The following HIBCH variants were observed in gnomAD, a reference collection of about 807,000 sequenced individuals.
HIBCH encodes 3-hydroxyisobutyryl-CoA hydrolase, also known as 3-hydroxyisobutyryl-CoA hydrolase, mitochondrial.
HIBCH carries 50 observed loss-of-function variants against 58.2 expected under a neutral mutation model. The ratio of observed to expected loss-of-function variants is 0.86; its 90% confidence interval spans 0.68 to 1.09. The LOEUF (loss-of-function observed/expected upper bound fraction) is 1.09. HIBCH is among the 50% of genes least tolerant of loss of function. HIBCH has a pLI of 0.00. For missense variants in HIBCH, 450 were observed against 449.7 expected (o/e 1.00, Z -0.01); for synonymous variants, 151 against 146.9 (o/e 1.03, Z -0.20).
chr2:190,221,534 G>C (rs767763020), intron 11 of HIBCH, among the ~76,000 whole-genome samples: 2 of 152,206 alleles, frequency 1.3e-5, no homozygotes, highest in Admixed American at 1.3e-4. Context: ...CTCTGATACT[G>C]ATAGGGACAG....
intron 11 of HIBCH, among the ~76,000 whole-genome samples, chr2:190,223,534 T>G (rs1685793375): frequency 6.6e-6 from 1 of 152,192 alleles, no homozygotes; most frequent in African/African-American, 2.4e-5. Context: ...TGTGATTTGT[T>G]TACAAAAGCT....
downstream of HIBCH, among the ~76,000 whole-genome samples, chr2:190,199,463 T>C (rs1690135873): frequency 6.6e-6 from 1 of 150,742 alleles, no homozygotes; most frequent in South Asian, 2.1e-4. Flanking sequence ...AAAAATTGAA[T>C]TGTTTTCAGT....
chr2:190,280,982 G>A (rs1292234222), intron 6 of HIBCH: 1 of 152,130 alleles, frequency 6.6e-6, no homozygotes, highest in African/African-American at 2.4e-5. Context: ...TTCCTTCAAG[G>A]AGGCAAGAAT....
At chr2:190,257,234 T>C (rs1559037723) in intron 7 of HIBCH, among the ~76,000 whole-genome samples, 1 of 152,142 alleles carries the variant, frequency 6.6e-6, no homozygotes, top group Non-Finnish European at 1.5e-5. Context: ...GAGAAGACTT[T>C]CTGTAGGAAA....
At chr2:190,223,644 G>A (rs1230916530) in intron 11 of HIBCH, among the ~76,000 whole-genome samples, 1 of 152,238 alleles carries the variant, frequency 6.6e-6, no homozygotes, top group African/African-American at 2.4e-5. Context: ...GTTCTTAGAG[G>A]AGGCAGGAAA....
Position 190,254,469 on chromosome 2 carries a change from G to A in HIBCH, c.518-2162C>T, listed in dbSNP as rs1686868458. Among the ~76,000 whole-genome samples, 1 of 152,134 alleles carries A rather than the reference G, an allele frequency of 6.6e-6. No individual in the cohort carries two copies. Among genetic ancestry groups the A allele is most frequent in the African/African-American group, 2.4e-5 (1 of 41,440 alleles). ...TACTGTTTAAGCAACCAAGTTTGTG[G>A]TATTTTGTTATGCAGCCCTAAAAGT... On this transcript the variant is annotated intron_variant, in intron 7 of 13. Transcript: ENST00000359678. The surrounding 1 kb of genome is among the most constrained non-coding windows in gnomAD (Gnocchi z 5.0).
intron 2 of HIBCH, among the ~76,000 whole-genome samples, chr2:190,303,481 A>T (rs1688322747): frequency 6.6e-6 from 1 of 152,168 alleles, no homozygotes; most frequent in Non-Finnish European, 1.5e-5. Context: ...CATATGAAAG[A>T]AATACAAAAG....
intron 10 of HIBCH, among the ~76,000 whole-genome samples, chr2:190,245,754 G>A (rs941252462): frequency 6.6e-6 from 1 of 152,080 alleles, no homozygotes; most frequent in South Asian, 2.1e-4. Flanking sequence ...CTTTGTGAGG[G>A]CGAGGAGGGT....
At position 190,206,280 on chromosome 2, in the gene HIBCH, G is replaced by A. The variant is rs897241673; in HGVS notation, c.1046-1048C>T. On this transcript the variant is annotated intron_variant, in intron 13 of 13. Transcript: ENST00000359678. This position sits in a 1 kb window ranked among gnomAD's most constrained non-coding sequence, Gnocchi z 5.1. ...GAGATTCTGGTATCAGATCAGTGGCGATATTAAATACTGATGTTCTGATCC... is the reference window on the plus strand; with the variant it reads ...GAGATTCTGGTATCAGATCAGTGGCAATATTAAATACTGATGTTCTGATCC... Among the ~76,000 whole-genome samples the A allele has an allele frequency of 2.6e-5, 4 of 152,150 alleles. No homozygotes were observed. The highest frequency in any genetic ancestry group is 2.1e-4 in the South Asian group (1 of 4,806).
rs35125102 is a variant in HIBCH, at chr2:190,198,631, CAAAAAAAAA to C, written c.*17+6460_*17+6468del. ...GAGTTAACAGAGTAAGACCCTGTCTCAAAAAAAAAAAAAAAAAAAAAAAAGGTGTTTTCA... is the reference window on the plus strand; with the variant it reads ...GAGTTAACAGAGTAAGACCCTGTCTCAAAAAAAAAAAAAAAGGTGTTTTCA... On this transcript the variant is annotated intron_variant, in intron 1 of 1. Transcript: ENST00000399855. 8.6e-4 allele frequency among the ~76,000 whole-genome samples: 61 copies of C among 70,596 alleles called. 1 individual carries two copies. Among genetic ancestry groups the C allele is most frequent in the Middle Eastern group, 0.02 (2 of 98 alleles). 46.3% of individuals were successfully genotyped at this position (70,596 alleles called of 152,430 possible). A position where few individuals can be genotyped will look rare whatever the true frequency, so the allele number is the denominator to read the frequency against.
chr2:190,209,829 C>T lies in HIBCH; in HGVS notation c.1012-916G>A, dbSNP rs1207895898. 6.6e-6 allele frequency among the ~76,000 whole-genome samples: 1 copy of T among 152,182 alleles called. No individual in the cohort carries two copies. Among genetic ancestry groups the T allele is most frequent in the African/African-American group, 2.4e-5 (1 of 41,450 alleles). ...GAGTTCAAATGTCTAGGTTCACATC[C>T]TGATAGCTACATATTAACTATGTGA... On this transcript the variant is annotated intron_variant, in intron 12 of 13. Transcript: ENST00000359678. This position sits in a 1 kb window ranked among gnomAD's most constrained non-coding sequence, Gnocchi z 5.6.
Position 190,204,654 on chromosome 2 carries a change from C to A in HIBCH, c.*463G>T, listed in dbSNP as rs1690343549. ...CAGTATCCAAAACAATTTTCAGGGTCTTTATTTTTTATATTGTATACCTAA... is the reference window on the plus strand; with the variant it reads ...CAGTATCCAAAACAATTTTCAGGGTATTTATTTTTTATATTGTATACCTAA... On this transcript the variant is annotated 3_prime_UTR_variant, in exon 14 of 14. Transcript: ENST00000359678. 1 of 166,762 alleles carries A rather than the reference C, an allele frequency of 6.0e-6. No homozygotes were observed. The highest frequency in any genetic ancestry group is 5.8e-5 in the Admixed American group (1 of 17,262). 10.3% of individuals were successfully genotyped at this position (166,762 alleles called of 1,614,324 possible). A position where few individuals can be genotyped will look rare whatever the true frequency, so the allele number is the denominator to read the frequency against.
intron 11 of HIBCH, among the ~76,000 whole-genome samples, chr2:190,242,735 A>C (rs1393599748): frequency 6.6e-6 from 1 of 152,170 alleles, no homozygotes; most frequent in African/African-American, 2.4e-5. Flanking sequence ...GGAGACTGTG[A>C]TTGTCATAAA....
At chr2:190,245,069 T>G in intron 10 of HIBCH, 101 bp from the exon 11 acceptor site, 2 of 794,674 alleles carry the variant, frequency 2.5e-6, no homozygotes. Flanking sequence ...TCTGTTTCAA[T>G]AATGAAAAAT....
intron 2 of HIBCH, among the ~76,000 whole-genome samples, chr2:190,298,533 C>T (rs1688172479): frequency 6.6e-6 from 1 of 151,828 alleles, no homozygotes; most frequent in South Asian, 2.1e-4. Context: ...GTTAGTTGGC[C>T]GTATACATGT....
At chr2:190,299,742 G>T (rs1417611871) in intron 2 of HIBCH, among the ~76,000 whole-genome samples, 2 of 152,148 alleles carry the variant, frequency 1.3e-5, no homozygotes, top group East Asian at 1.9e-4. Flanking sequence ...AATTCATGTC[G>T]TGGGGGTTTG....
At chr2:190,200,171 G>A, downstream of HIBCH, 1 of 1,595,802 alleles carries the variant, frequency 6.3e-7, no homozygotes, top group Middle Eastern at 1.7e-4. Flanking sequence ...ACAACACTTT[G>A]ACTGTGGAGG....
At chr2:190,314,668 G>A (rs1407555876) in intron 1 of HIBCH, among the ~76,000 whole-genome samples, 2 of 151,870 alleles carry the variant, frequency 1.3e-5, no homozygotes, top group Non-Finnish European at 2.9e-5. Flanking sequence ...TAGTAGAGAC[G>A]AGGTTTCTCC....
At chr2:190,310,863 A>G (rs549653240) in intron 1 of HIBCH, 67 bp from the exon 2 acceptor site, 23 of 1,115,466 alleles carry the variant, frequency 2.1e-5, no homozygotes, top group East Asian at 4.7e-5. Flanking sequence ...GACAAATAGT[A>G]TATCACCTTT....
Sources: allele counts gnomAD v4.1 joint callset (sites outside exome capture counted in the v4.1 genomes callset), GRCh38; gene constraint gnomAD v4.1.1; non-coding constraint Gnocchi (gnomAD v3.1); transcripts MANE v1.5; gene names NCBI Gene and HGNC (gene_info 2026-07-23, HGNC 2026-07-21).